Variants in DDX54 observed in about 807,000 individuals in gnomAD.
DDX54 encodes DEAD-box helicase 54, also known as ATP-dependent RNA helicase DDX54.
A neutral mutation model predicts 105.5 loss-of-function variants in DDX54; 67 were observed. That is an observed-to-expected ratio of 0.64 (90% CI 0.52 to 0.78). DDX54 has a LOEUF of 0.78. Ranked by LOEUF, DDX54 falls within the 30% of genes least tolerant of loss-of-function variation. The probability of loss-of-function intolerance (pLI) is 0.00; values close to 1 mark genes in which losing one functional copy is unlikely to be tolerated. For synonymous variants in DDX54, 514 were observed against 509.9 expected, an observed-to-expected ratio of 1.01 and a Z score of -0.11; for missense variants, 1,206 against 1,230.5, an observed-to-expected ratio of 0.98 and a Z score of 0.30.
chr12:113,165,960 T>TGCA lies in DDX54; in HGVS notation c.1484_1486dup (p.Leu495dup). ...CTCCAGCGATGCCTCCAGGGTGCTC[T>TGCA]GCAGACCACTGTCCTCCTCGTCCAC... is the stretch of plus-strand genomic sequence containing the variant. On this transcript the variant is annotated inframe_insertion, in exon 13 of 20. Transcript: ENST00000306014. The TGCA allele has an allele frequency of 6.2e-7, 1 of 1,613,466 alleles. No homozygotes were observed.
chr12:113,175,083 A>G lies in DDX54; in HGVS notation c.827T>C (p.Leu276Pro). 6.2e-7 allele frequency: 1 copy of G among 1,613,934 alleles called. No homozygotes were observed. Among genetic ancestry groups the G allele is most frequent in the Non-Finnish European group, 8.5e-7 (1 of 1,180,000 alleles). Reference protein sequence around the residue: ...ARLPGGHQTVLFSATLPKLLV... With the variant: ...ARLPGGHQTVPFSATLPKLLV... ...CAGTTTGGGCAGCGTGGCGGAGAAC[A>G]GCACCGTCTGGTGGCCCCCGGGGAG... Residue 276 changes from leucine (L) to proline (P), a missense_variant, in exon 8 of 20, where the codon CTG becomes CCG. Transcript: ENST00000306014.
At chr12:113,181,437 C>A (rs919866116) in intron 1 of DDX54, among the ~76,000 whole-genome samples, 1 of 151,502 alleles carries the variant, frequency 6.6e-6, no homozygotes, top group African/African-American at 2.4e-5. Flanking sequence ...GGACTACAGG[C>A]GTATACTACC....
In DDX54 at chr12:113,184,594, G is replaced by A. The variant is rs777241157; in HGVS notation, c.174+684C>T. 1.4e-4 allele frequency among the ~76,000 whole-genome samples: 21 copies of A among 152,194 alleles called. 1 individual carries two copies. The highest frequency in any genetic ancestry group is 4.6e-4 in the Admixed American group (7 of 15,278). On this transcript the variant is annotated intron_variant, in intron 1 of 19. Coordinates refer to ENST00000306014, the MANE Select transcript of DDX54 (RefSeq NM_024072.4). ...AATCCCAACACTTTGGGAAGCAGAA[G>A]TGGGAGGACTGCTTGAGGCCAGAAG...
At chr12:113,174,817 AG>A (rs749550080) in intron 9 of DDX54, 46 bp from the exon 10 acceptor site, 3 of 1,614,058 alleles carry the variant, frequency 1.9e-6, no homozygotes, top group Non-Finnish European at 2.5e-6. Context: ...GTCCTGGCCC[AG>A]GGCCTGCAGG....
chr12:113,181,478 AT>A lies in DDX54; in HGVS notation c.175-421del, dbSNP rs200981259. 7.6e-3 allele frequency among the ~76,000 whole-genome samples: 1,078 copies of A among 141,838 alleles called. 7 individuals carry two copies. The highest frequency in any genetic ancestry group is 0.021 in the African/African-American group (844 of 39,308). 93.1% of individuals were successfully genotyped at this position (141,838 alleles called of 152,430 possible). On this transcript the variant is annotated intron_variant, in intron 1 of 19. Coordinates refer to ENST00000306014, the MANE Select transcript of DDX54 (RefSeq NM_024072.4). ...TGGCTAATTTTTTTATTTTGTATTT[AT>A]TTTTTTTTTTTTGTAGAGATGAGGT...
At chr12:113,180,182 C>T (rs753652995) in intron 2 of DDX54, among the ~76,000 whole-genome samples, 177 bp from the exon 3 acceptor site, 1 of 152,088 alleles carries the variant, frequency 6.6e-6, no homozygotes, top group African/African-American at 2.4e-5. Flanking sequence ...GACTGGGGCA[C>T]CTGAACCTTA....
In DDX54 at chr12:113,166,024, C is replaced by G; in HGVS notation, c.1423G>C (p.Gly475Arg). 1 of 1,605,302 alleles carries G rather than the reference C, an allele frequency of 6.2e-7. No individual in the cohort carries two copies. The highest frequency in any genetic ancestry group is 8.5e-7 in the Non-Finnish European group (1 of 1,179,764). The change falls in exon 13 of 20, where the codon GGT becomes CGT. Residue 475 changes from glycine (G) to arginine (R), a missense_variant. Gly to Arg is a moderately radical substitution (Grantham distance 125). Coordinates refer to ENST00000306014, the MANE Select transcript of DDX54 (RefSeq NM_024072.4). The stretch of plus-strand genomic sequence containing the variant: ...ACCCGACCCAGCATGCCATCCACAC[C>G]GGCCACACCTGCACCCCACACAGCA... Reference protein sequence around the residue: ...RPLKEPSGVAGVDGMLGRVPQ... With the variant: ...RPLKEPSGVARVDGMLGRVPQ...
intron 1 of DDX54, among the ~76,000 whole-genome samples, chr12:113,181,615 A>T (rs1952469484): frequency 6.6e-6 from 1 of 151,876 alleles, no homozygotes; most frequent in African/African-American, 2.4e-5. Context: ...CCAGCCCCTA[A>T]ATACATTAAA....
chr12:113,180,239 G>C (rs1270247078), intron 2 of DDX54, among the ~76,000 whole-genome samples: 2 of 152,204 alleles, frequency 1.3e-5, no homozygotes, highest in African/African-American at 4.8e-5. Context: ...GAGACAGCAG[G>C]GATCTCTGAA....
chr12:113,174,650 T>C lies in DDX54; in HGVS notation c.1058A>G (p.Tyr353Cys), dbSNP rs147338699. The C allele has an allele frequency of 7.9e-3, 12,727 of 1,611,408 alleles. 83 individuals are homozygous for C. The highest frequency in any genetic ancestry group is 0.021 in the South Asian group (1,952 of 91,006). Residue 353 changes from tyrosine (Y) to cysteine (C), a missense_variant, in exon 10 of 20, where the codon TAC becomes TGC. Transcript: ENST00000306014. ...VFVATKHHAE[Y>C]LTELLTTQRV... is the part of the protein sequence containing the mutation. The stretch of plus-strand genomic sequence containing the variant: ...CAGGACCCTGCTCACCTCAGTGAGG[T>C]ACTCGGCGTGGTGCTTCGTGGCCAC...
chr12:113,164,311 G>A, intron 14 of DDX54, 26 bp from the exon 15 acceptor site: 1 of 1,553,880 alleles, frequency 6.4e-7, no homozygotes, highest in Non-Finnish European at 8.7e-7. Flanking sequence ...CCAGTCCTTT[G>A]CCCACTGGCC....
chr12:113,175,740 C>G (rs1331637345), intron 7 of DDX54, among the ~76,000 whole-genome samples: 1 of 151,364 alleles, frequency 6.6e-6, no homozygotes, highest in African/African-American at 2.4e-5. Flanking sequence ...AGTGAGCCGA[C>G]ATCATGCCAC....
intron 18 of DDX54, 166 bp from the exon 19 acceptor site, chr12:113,161,548 C>G (rs1191509461): frequency 8.3e-6 from 5 of 604,188 alleles, no homozygotes; most frequent in Non-Finnish European, 1.4e-5. Context: ...GTTGCTGAAG[C>G]TGCTCGGCCC....
In DDX54 at chr12:113,169,779, C is replaced by T. The variant is rs762035142; in HGVS notation, c.1405G>A (p.Glu469Lys). 2 of 1,613,944 alleles carry T rather than the reference C, an allele frequency of 1.2e-6. No homozygotes were observed. The highest frequency in any genetic ancestry group is 1.1e-5 in the South Asian group (1 of 91,068). The change falls in exon 12 of 20, where the codon GAG becomes AAG. Residue 469 changes from glutamate to lysine, a missense_variant. Coordinates refer to ENST00000306014, the MANE Select transcript of DDX54 (RefSeq NM_024072.4). ...RSLTLARPLKEPSGVAGVDGM... is the reference protein window; with the variant it reads ...RSLTLARPLKKPSGVAGVDGM... ...CCCAGCCTCCACTCACCTGAGGGCT[C>T]CTTGAGGGGTCGGGCGAGGGTGAGG...
chr12:113,164,760 G>A (rs1952253512), intron 14 of DDX54, among the ~76,000 whole-genome samples: 5 of 151,920 alleles, frequency 3.3e-5, no homozygotes, highest in African/African-American at 2.4e-5. Context: ...GCCAGGCACC[G>A]TGGCTCACGC....
chr12:113,158,466 C>A lies in DDX54; in HGVS notation c.*411G>T, dbSNP rs539683693. 3.3e-4 allele frequency: 55 copies of A among 164,362 alleles called. 1 individual carries two copies. The highest frequency in any genetic ancestry group is 5.7e-3 in the Middle Eastern group (2 of 352). 10.2% of individuals were successfully genotyped at this position (164,362 alleles called of 1,614,324 possible). A position where few individuals can be genotyped will look rare whatever the true frequency, so the allele number is the denominator to read the frequency against. ...CCTGGGTCTCTCCATTCCAGTTCCC[C>A]AAGTAGACCGCACTCCTGGCCACCA... On this transcript the variant is annotated 3_prime_UTR_variant, in exon 20 of 20. Coordinates refer to ENST00000306014, the MANE Select transcript of DDX54 (RefSeq NM_024072.4). The surrounding 1 kb of genome is among the most constrained non-coding windows in gnomAD (Gnocchi z 4.9).
intron 19 of DDX54, among the ~76,000 whole-genome samples, chr12:113,160,491 G>C (rs900633340): frequency 1.3e-5 from 2 of 152,226 alleles, no homozygotes; most frequent in Non-Finnish European, 2.9e-5. Flanking sequence ...TTCCAGGACA[G>C]AGCCTGCCTG....
Position 113,161,932 on chromosome 12 carries a change from T to C in DDX54, c.2261A>G (p.Glu754Gly), listed in dbSNP as rs760969786. Reference protein sequence around the residue: ...GQEDKKKIKTESGRYISSSYK... With the variant: ...GQEDKKKIKTGSGRYISSSYK... ...GGAGCTGCTGATGTAGCGGCCGCTC[T>C]CTGTCTTAATCTTCTTCTTGTCTTC... The change falls in exon 18 of 20, where the codon GAG becomes GGG. Residue 754 changes from glutamate to glycine, a missense_variant. This residue lies in a region of DDX54 where 961 missense variants were observed against 1,019.1 expected (regional missense o/e 0.94). Coordinates refer to ENST00000306014, the MANE Select transcript of DDX54 (RefSeq NM_024072.4). 8 of 1,612,752 alleles carry C rather than the reference T, an allele frequency of 5.0e-6. No homozygotes were observed. The African/African-American group carries it at 9.4e-5, about 19-fold the overall frequency.
intron 2 of DDX54, 89 bp downstream of exon 2, chr12:113,180,840 C>T: frequency 1.3e-6 from 2 of 1,588,526 alleles, no homozygotes; most frequent in Non-Finnish European, 1.7e-6. Context: ...AGTGCTGGGC[C>T]CAGAGTGGAC....
Sources: gnomAD v4.1 joint callset for allele counts (sites outside exome capture counted in the v4.1 genomes callset) on GRCh38, gnomAD v4.1.1 for gene constraint, gnomAD v4.1.1 regional missense constraint, Gnocchi (gnomAD v3.1) non-coding constraint, MANE v1.5 for transcripts, NCBI Gene and HGNC (gene_info 2026-07-23, HGNC 2026-07-21) for gene names.